The following PHF24 variants were observed in gnomAD, a reference collection of about 807,000 sequenced individuals.
PHF24 encodes the protein Galpha inhibitory interacting protein.
PHF24 carries 25 observed loss-of-function variants against 42.6 expected under a neutral mutation model. That is an observed-to-expected ratio of 0.59 (90% confidence interval 0.43 to 0.82). PHF24 has a LOEUF of 0.82. Among genes scored for constraint, PHF24 ranks in the 40% least tolerant of loss-of-function variants. PHF24 has a pLI of 0.00. For synonymous variants in PHF24, 185 were observed against 204.8 expected (o/e 0.90, Z 0.83); for missense variants, 470 against 538.1 (o/e 0.87, Z 1.25).
At chr9:34,757,701 G>T in the PHF24 span, among the ~76,000 whole-genome samples, 1 of 152,048 alleles carries the variant, frequency 6.6e-6, no homozygotes, top group Admixed American at 6.5e-5. Context: ...AGTTTCGTCA[G>T]TTGTAATCCA....
chr9:34,928,216 CAAAAA>C, the PHF24 span, among the ~76,000 whole-genome samples: 1 of 109,284 alleles, frequency 9.2e-6, no homozygotes, highest in African/African-American at 3.6e-5. Context: ...GACTCTGTCT[CAAAAA>C]AAAAAAAAAA....
At chr9:34,759,827 C>T in the PHF24 span, among the ~76,000 whole-genome samples, 1 of 152,180 alleles carries the variant, frequency 6.6e-6, no homozygotes, top group Non-Finnish European at 1.5e-5. Context: ...ACTTGCCTGG[C>T]CTTTGTTCCT....
the PHF24 span, chr9:34,691,374 CCT>C: frequency 1.8e-5 from 9 of 502,796 alleles, no homozygotes; most frequent in Admixed American, 3.6e-5. Context: ...CTGTTGCCCC[CCT>C]CTTTCTGGCA....
At chr9:34,795,834 A>G in the PHF24 span, among the ~76,000 whole-genome samples, 2 of 152,032 alleles carry the variant, frequency 1.3e-5, no homozygotes, top group African/African-American at 4.8e-5. Flanking sequence ...CCATCTCTAC[A>G]AAAAATAAGA....
chr9:34,792,810 T>A, the PHF24 span, among the ~76,000 whole-genome samples: 1 of 152,196 alleles, frequency 6.6e-6, no homozygotes, highest in African/African-American at 2.4e-5. Context: ...TGTCCAGCTG[T>A]GCTTTGGAAA....
the PHF24 span, among the ~76,000 whole-genome samples, chr9:34,761,583 A>G: frequency 6.6e-6 from 1 of 152,204 alleles, no homozygotes; most frequent in South Asian, 2.1e-4. Flanking sequence ...TGGGACACTT[A>G]CTAGAATTTT....
At chr9:34,953,785 A>AAT (rs1406126505), upstream of PHF24, among the ~76,000 whole-genome samples, 2 of 151,962 alleles carry the variant, frequency 1.3e-5, no homozygotes, top group Non-Finnish European at 1.5e-5. The surrounding 1 kb of genome is among the most constrained non-coding windows in gnomAD (Gnocchi z 4.1). Context: ...CTCTACAAAA[A>AAT]ATATATATAT....
At chr9:34,676,113 AG>A in the PHF24 span, among the ~76,000 whole-genome samples, 1 of 152,158 alleles carries the variant, frequency 6.6e-6, no homozygotes. Context: ...CTGAGGAAGG[AG>A]CCATGGGGAT....
At chr9:34,726,784 A>T in the PHF24 span, 4,582 of 1,551,456 alleles carry the variant, frequency 3.0e-3, 11 homozygotes, top group Non-Finnish European at 3.8e-3. Context: ...GAAACTCCAG[A>T]CTCTGATCTA....
At chr9:34,689,838 A>T in the PHF24 span, 3 of 1,614,162 alleles carry the variant, frequency 1.9e-6, no homozygotes, top group South Asian at 3.3e-5. The surrounding 1 kb of genome is among the most constrained non-coding windows in gnomAD (Gnocchi z 4.1). Context: ...GCGGCGCTTC[A>T]TCTAGAGGAG....
chr9:34,861,682 A>G, the PHF24 span, among the ~76,000 whole-genome samples: 24 of 152,264 alleles, frequency 1.6e-4, no homozygotes, highest in African/African-American at 5.5e-4. Flanking sequence ...TAATGTAAAC[A>G]CGTATGGGAG....
the PHF24 span, among the ~76,000 whole-genome samples, chr9:34,821,893 A>G: frequency 2.0e-5 from 3 of 152,196 alleles, no homozygotes; most frequent in African/African-American, 4.8e-5. Flanking sequence ...CATACTCAAT[A>G]AGGCCAAATC....
intron 7 of PHF24, 49 bp from the exon 8 acceptor site, chr9:34,977,966 A>C: frequency 7.1e-7 from 1 of 1,410,752 alleles, no homozygotes; most frequent in Non-Finnish European, 1.0e-6. Flanking sequence ...ATCAGGGCTC[A>C]CGTGTCTTCA....
At chr9:34,723,562 T>C in the PHF24 span, 1 of 1,551,810 alleles carries the variant, frequency 6.4e-7, no homozygotes. Flanking sequence ...CTTTGCCTTT[T>C]GTCTTGGGGT....
chr9:34,838,320 A>C, the PHF24 span: 2 of 737,864 alleles, frequency 2.7e-6, no homozygotes, highest in African/African-American at 3.5e-5. Context: ...AGGCTTAATT[A>C]GTTCAGTTGG....
upstream of PHF24, among the ~76,000 whole-genome samples, chr9:34,958,158 C>G (rs915739573): frequency 1.3e-4 from 19 of 147,672 alleles, no homozygotes; most frequent in African/African-American, 4.4e-4. This position sits in a 1 kb window ranked among gnomAD's most constrained non-coding sequence, Gnocchi z 4.5. Context: ...CACCGGCCGG[C>G]CCAGGGCACC....
the PHF24 span, among the ~76,000 whole-genome samples, chr9:34,747,059 A>G: frequency 6.6e-6 from 1 of 152,308 alleles, no homozygotes; most frequent in Non-Finnish European, 1.5e-5. Flanking sequence ...GTAAGTACAG[A>G]AGGGGAAAAA....
the PHF24 span, among the ~76,000 whole-genome samples, chr9:34,791,295 G>A: frequency 1.3e-5 from 2 of 152,120 alleles, no homozygotes; most frequent in African/African-American, 4.8e-5. Flanking sequence ...GAGAAAAGAG[G>A]GTCAACGATG....
At chr9:34,800,276 T>C in the PHF24 span, among the ~76,000 whole-genome samples, 106 of 152,302 alleles carry the variant, frequency 7.0e-4, no homozygotes, top group Middle Eastern at 6.8e-3. Flanking sequence ...ATGGCATTTA[T>C]AATGGTCAGA....
Sources: gnomAD v4.1 joint callset for allele counts (sites outside exome capture counted in the v4.1 genomes callset) on GRCh38, gnomAD v4.1.1 for gene constraint, Gnocchi (gnomAD v3.1) non-coding constraint, MANE v1.5 for transcripts, NCBI Gene and HGNC (gene_info 2026-07-23, HGNC 2026-07-21) for gene names.